ACSM2B: variants seen among roughly 807,000 people sequenced by gnomAD.
ACSM2B encodes the protein acyl-coenzyme A synthetase ACSM2B, mitochondrial.
A neutral mutation model predicts 78.6 loss-of-function variants in ACSM2B; 58 were observed. That is an observed-to-expected ratio of 0.74 (90% confidence interval 0.60 to 0.92). The LOEUF is 0.92. Among genes scored for constraint, ACSM2B ranks in the 40% least tolerant of loss-of-function variants. The pLI is 0.00. For missense variants in ACSM2B, 688 were observed against 711.2 expected (o/e 0.97, Z 0.37); for synonymous variants, 257 against 256.8 (o/e 1.00, Z -0.01).
intron 10 of ACSM2B, chr16:20,544,490 G>T: frequency 1.3e-6 from 1 of 778,530 alleles, no homozygotes; most frequent in Non-Finnish European, 1.6e-6. Context: ...AACAATGCTT[G>T]CCTCATGGTA....
At position 20,548,453 on chromosome 16, in the gene ACSM2B, G is replaced by A; in HGVS notation, c.915C>T (p.Ile305=). The A allele has an allele frequency of 6.2e-7, 1 of 1,613,640 alleles. No individual in the cohort carries two copies. The highest frequency in any genetic ancestry group is 2.2e-5 in the East Asian group (1 of 44,878). ...VILKTLSSYP[I]KSMMGAPIVY... is the part of the protein sequence containing the mutation. Reference sequence around the variant, plus strand: ...CAATAGGGGCACCCATCATACTCTTGATTGGATAACTGGAGAGTGTCTGGA... The same window carrying A: ...CAATAGGGGCACCCATCATACTCTTAATTGGATAACTGGAGAGTGTCTGGA... The change falls in exon 7 of 14, where the codon ATC becomes ATT. Residue 305 remains isoleucine, a synonymous_variant. Transcript: ENST00000329697.
chr16:20,559,015 C>T (rs1200306327), intron 3 of ACSM2B, among the ~76,000 whole-genome samples: 1 of 152,120 alleles, frequency 6.6e-6, no homozygotes, highest in African/African-American at 2.4e-5. Flanking sequence ...TCTGTAAGTC[C>T]CATGAATATG....
At chr16:20,546,307 T>G in intron 9 of ACSM2B, 87 bp downstream of exon 9, 1 of 1,511,374 alleles carries the variant, frequency 6.6e-7, no homozygotes, top group Non-Finnish European at 8.9e-7. Flanking sequence ...TTTCTATTAT[T>G]TTTGACTCAA....
intron 3 of ACSM2B, among the ~76,000 whole-genome samples, chr16:20,558,491 GT>G (rs1445209930): frequency 6.6e-6 from 1 of 151,884 alleles, no homozygotes; most frequent in African/African-American, 2.4e-5. Context: ...TGTTTTCAGT[GT>G]TTGGCTTTTC....
intron 12 of ACSM2B, chr16:20,541,717 C>G (rs369396870): frequency 9.0e-6 from 1 of 110,678 alleles, no homozygotes; most frequent in Non-Finnish European, 1.7e-5. Flanking sequence ...GAGTCTCACT[C>G]TGTCACCCAG....
rs1327512846 is a variant in ACSM2B, at chr16:20,546,582, T to G, written c.1099-108A>C. ...TCCTGACACTGTCCTGAACTTGGCC[T>G]GCACTTGGTGGCTCCCCCTGCTCCT... On this transcript the variant is annotated intron_variant, in intron 8 of 13. Coordinates refer to ENST00000329697, the MANE Select transcript of ACSM2B (RefSeq NM_001105069.2). The G allele has an allele frequency of 4.2e-6, 6 of 1,441,450 alleles. No individual in the cohort carries two copies. The African/African-American group carries it at 4.3e-5, about 10-fold the overall frequency. The allele number at this position is 1,441,450 out of a possible 1,614,324, so 89.3% of individuals were successfully genotyped here. A position where few individuals can be genotyped will look rare whatever the true frequency, so the allele number is the denominator to read the frequency against.
intron 2 of ACSM2B, 134 bp from the exon 3 acceptor site, chr16:20,559,581 G>T: frequency 1.5e-6 from 2 of 1,318,558 alleles, no homozygotes; most frequent in Admixed American, 5.6e-5. Context: ...ATCATAAAAA[G>T]TATTGAAAAC....
At chr16:20,537,412 G>A (rs760793268) in intron 13 of ACSM2B, 50 bp from the exon 14 acceptor site, 1 of 1,603,598 alleles carries the variant, frequency 6.2e-7, no homozygotes, top group East Asian at 2.2e-5. Flanking sequence ...ATGACAGTGG[G>A]TTGCATTTTT....
At position 20,540,865 on chromosome 16, in the gene ACSM2B, C is replaced by G. The variant is rs1348109787; in HGVS notation, c.1510-92G>C. The G allele has an allele frequency of 8.6e-6, 13 of 1,515,474 alleles. No homozygotes were observed. The East Asian group carries it at 2.6e-4, about 30-fold the overall frequency. 93.9% of individuals were successfully genotyped at this position (1,515,474 alleles called of 1,614,324 possible). On this transcript the variant is annotated intron_variant, in intron 12 of 13. Coordinates refer to ENST00000329697, the MANE Select transcript of ACSM2B (RefSeq NM_001105069.2). Reference sequence around the variant, plus strand: ...AAATTAGCATTAAGACTTGCATCACCCTTGTATCTACTCATTTGCACCCCC... The same window carrying G: ...AAATTAGCATTAAGACTTGCATCACGCTTGTATCTACTCATTTGCACCCCC...
chr16:20,568,653 C>G (rs1361789229), intron 1 of ACSM2B, among the ~76,000 whole-genome samples: 3 of 151,636 alleles, frequency 2.0e-5, no homozygotes, highest in Admixed American at 6.6e-5. Flanking sequence ...CAGTTTTCCA[C>G]AGTGGCTGTA....
chr16:20,576,265 C>T lies in ACSM2B; in HGVS notation c.-67G>A, dbSNP rs2016247162. ...GAGCTTCGTCCACCCTCCTCTCCAG[C>T]CAGCAGCTCCAGAACTCCTACAGCC... On this transcript the variant is annotated 5_prime_UTR_variant, in exon 1 of 14. Coordinates refer to ENST00000329697, the MANE Select transcript of ACSM2B (RefSeq NM_001105069.2). The T allele has an allele frequency of 1.3e-5, 2 of 151,764 alleles. No homozygotes were observed. The highest frequency in any genetic ancestry group is 2.4e-5 in the African/African-American group (1 of 41,000). The allele number at this position is 151,764 out of a possible 1,614,324, so 9.4% of individuals were successfully genotyped here. A position where few individuals can be genotyped will look rare whatever the true frequency, so the allele number is the denominator to read the frequency against.
At chr16:20,548,317 T>G (rs1010705562) in intron 7 of ACSM2B, 77 bp downstream of exon 7, 69 of 1,606,558 alleles carry the variant, frequency 4.3e-5, no homozygotes, top group Non-Finnish European at 5.3e-5. Context: ...GAGATTCAGA[T>G]AGATAGGCAT....
At chr16:20,538,118 T>C (rs2014893296) in intron 13 of ACSM2B, among the ~76,000 whole-genome samples, 1 of 152,144 alleles carries the variant, frequency 6.6e-6, no homozygotes, top group African/African-American at 2.4e-5. Context: ...CTTCAGATGG[T>C]CTCGAATTTA....
chr16:20,573,121 G>T (rs561512092), intron 1 of ACSM2B, among the ~76,000 whole-genome samples: 1 of 151,614 alleles, frequency 6.6e-6, no homozygotes, highest in South Asian at 2.1e-4. Flanking sequence ...GTGATTTTTG[G>T]GGGGAGGTGT....
chr16:20,566,759 GTA>G (rs1491264569), intron 1 of ACSM2B, among the ~76,000 whole-genome samples: 1 of 59,324 alleles, frequency 1.7e-5, no homozygotes, highest in African/African-American at 1.7e-4. Context: ...ACTATATATA[GTA>G]TATATAGATA....
intron 3 of ACSM2B, among the ~76,000 whole-genome samples, chr16:20,556,413 C>T (rs1468854807): frequency 6.6e-6 from 1 of 152,106 alleles, no homozygotes; most frequent in Non-Finnish European, 1.5e-5. Context: ...ACCAGCCTGG[C>T]CAACATGGCG....
rs573708541 is a variant in ACSM2B at position 20,561,842 on chromosome 16, C to T, written c.178-2395G>A. 3.4e-4 allele frequency among the ~76,000 whole-genome samples: 51 copies of T among 149,918 alleles called. No homozygotes were observed. In the East Asian group the frequency reaches 4.2e-3, roughly 12 times the overall value. ...ACTCATCATTTAACATTAGGTATAT[C>T]GCCTAATGTTATCCCTCCCCCCTCC... On this transcript the variant is annotated intron_variant, in intron 2 of 13. Transcript: ENST00000329697.
chr16:20,553,910 T>G lies in ACSM2B; in HGVS notation c.607A>C (p.Thr203Pro), dbSNP rs766931179. The G allele has an allele frequency of 1.5e-5, 25 of 1,613,570 alleles. No individual in the cohort carries two copies. Among genetic ancestry groups the G allele is most frequent in the Non-Finnish European group, 2.0e-5 (24 of 1,179,752 alleles). ...CCAGTCTCCACACAGTGATGAGTGG[T>G]GGATGCCTCACTGACAAAGACACAG... is the stretch of plus-strand genomic sequence containing the variant. ...NFKKLLNEAS[T>P]THHCVETGSQ... Residue 203 changes from threonine (T) to proline (P), a missense_variant, in exon 5 of 14, where the codon ACC becomes CCC. Thr to Pro is a conservative substitution (Grantham distance 38, BLOSUM62 -1). Coordinates refer to ENST00000329697, the MANE Select transcript of ACSM2B (RefSeq NM_001105069.2).
chr16:20,574,845 A>G (rs962471725), intron 1 of ACSM2B, among the ~76,000 whole-genome samples: 1 of 150,792 alleles, frequency 6.6e-6, no homozygotes, highest in Non-Finnish European at 1.5e-5. Flanking sequence ...GAGGCTCAGT[A>G]TCTGCTTCTG....
Sources: gnomAD v4.1 joint callset for allele counts (sites outside exome capture counted in the v4.1 genomes callset) on GRCh38, gnomAD v4.1.1 for gene constraint, MANE v1.5 for transcripts, NCBI Gene and HGNC (gene_info 2026-07-23, HGNC 2026-07-21) for gene names.